SCLT1: variants seen among roughly 807,000 people sequenced by gnomAD.
SCLT1 encodes sodium channel and clathrin linker 1, also known as sodium channel-associated protein 1.
In SCLT1, 78 loss-of-function variants were observed where a neutral mutation model predicts 112.8. That is an observed-to-expected ratio of 0.69 (90% CI 0.58 to 0.83). The LOEUF is 0.83. SCLT1 is among the 40% of genes least tolerant of loss of function. The probability of loss-of-function intolerance (pLI) is 0.00; values close to 1 mark genes in which losing one functional copy is unlikely to be tolerated. For synonymous variants in SCLT1, 257 were observed against 254.7 expected, an observed-to-expected ratio of 1.01 and a Z score of -0.09; for missense variants, 747 against 770.4, an observed-to-expected ratio of 0.97 and a Z score of 0.36.
chr4:128,883,440 A>T (rs747103794), downstream of SCLT1, among the ~76,000 whole-genome samples: 1 of 152,080 alleles, frequency 6.6e-6, no homozygotes, highest in Non-Finnish European at 1.5e-5. Flanking sequence ...CAGCATTAGG[A>T]GAAATACCTA....
chr4:129,068,344 T>C (rs1384245576), intron 2 of SCLT1, among the ~76,000 whole-genome samples: 2 of 152,208 alleles, frequency 1.3e-5, no homozygotes, highest in Non-Finnish European at 2.9e-5. Flanking sequence ...ACCAGCAGTG[T>C]AGAAGTGTTC....
chr4:129,019,810 C>G (rs1241037431), intron 5 of SCLT1, among the ~76,000 whole-genome samples: 1 of 152,094 alleles, frequency 6.6e-6, no homozygotes, highest in Admixed American at 6.6e-5. Context: ...GGGATTAATA[C>G]AAAAGATCCT....
intron 8 of SCLT1, among the ~76,000 whole-genome samples, chr4:128,996,750 T>A (rs2126076964): frequency 6.6e-6 from 1 of 152,240 alleles, no homozygotes; most frequent in South Asian, 2.1e-4. Context: ...GTATCCAGTT[T>A]ATTCTTAGCT....
Position 129,039,065 on chromosome 4 carries a change from T to C in SCLT1, c.266A>G (p.Glu89Gly). The stretch of plus-strand genomic sequence containing the variant: ...CCTTTCATTTTCCTTGATGACATTT[T>C]CAAGTTGTAATTTCATCTCACCCAC... ...KQVGEMKLQL[E>G]NVIKENERLH... The change falls in exon 5 of 21, where the codon GAA (glutamate) becomes GGA (glycine). Residue 89 changes from glutamate to glycine, a missense_variant. By Grantham distance (98) the Glu-to-Gly change is moderately conservative (BLOSUM62 -2). Around this residue, in one of 2 missense-constraint regions of SCLT1, gnomAD observed 723 missense variants for 721.3 expected, o/e 1.00. Coordinates refer to ENST00000281142, the MANE Select transcript of SCLT1 (RefSeq NM_144643.4). 1 of 1,592,320 alleles carries C rather than the reference T, an allele frequency of 6.3e-7. No individual in the cohort carries two copies. The highest frequency in any genetic ancestry group is 8.6e-7 in the Non-Finnish European group (1 of 1,160,786).
chr4:129,001,811 T>G (rs1048000075), intron 6 of SCLT1, among the ~76,000 whole-genome samples: 3 of 152,064 alleles, frequency 2.0e-5, no homozygotes, highest in Non-Finnish European at 2.9e-5. Flanking sequence ...TTGTGAGTCT[T>G]GCTGTTCAAT....
At chr4:128,916,942 C>A (rs1735524095) in intron 18 of SCLT1, among the ~76,000 whole-genome samples, 2 of 152,248 alleles carry the variant, frequency 1.3e-5, no homozygotes, top group South Asian at 4.1e-4. Flanking sequence ...CCTTATTGGG[C>A]TGTCACATTC....
At chr4:129,022,185 G>GA (rs1424365364) in intron 5 of SCLT1, among the ~76,000 whole-genome samples, 2 of 152,178 alleles carry the variant, frequency 1.3e-5, no homozygotes, top group African/African-American at 4.8e-5. Context: ...TGAAGATGAG[G>GA]AAAAATCAGT....
chr4:129,037,211 A>G (rs1301722408), intron 5 of SCLT1: 1 of 151,998 alleles, frequency 6.6e-6, no homozygotes, highest in Non-Finnish European at 1.5e-5. Flanking sequence ...CTGGGAATAT[A>G]CATTTGAAAC....
intron 2 of SCLT1, among the ~76,000 whole-genome samples, chr4:129,076,101 C>T (rs991337687): frequency 4.6e-5 from 7 of 152,054 alleles, no homozygotes; most frequent in African/African-American, 9.7e-5. Flanking sequence ...ATCTCAGCAC[C>T]CTGCTTCTTT....
intron 2 of SCLT1, among the ~76,000 whole-genome samples, chr4:129,060,658 G>C (rs1749882890): frequency 6.6e-6 from 1 of 152,114 alleles, no homozygotes; most frequent in South Asian, 2.1e-4. Flanking sequence ...GGCAGTGGTG[G>C]TATGGATTGT....
At chr4:128,918,227 C>G (rs1209908675) in intron 18 of SCLT1, among the ~76,000 whole-genome samples, 1 of 152,114 alleles carries the variant, frequency 6.6e-6, no homozygotes, top group Admixed American at 6.6e-5. Flanking sequence ...CCAAAAGAAA[C>G]AGATCTGTCT....
downstream of SCLT1, among the ~76,000 whole-genome samples, chr4:128,879,550 G>A (rs183342013): frequency 3.3e-5 from 5 of 152,258 alleles, no homozygotes; most frequent in Admixed American, 3.3e-4. Context: ...GTGACCCCGA[G>A]CAAATGATTT....
intron 5 of SCLT1, among the ~76,000 whole-genome samples, chr4:129,016,214 A>G (rs1375612461): frequency 6.6e-6 from 1 of 152,126 alleles, no homozygotes; most frequent in Non-Finnish European, 1.5e-5. Context: ...CAGGATGTGC[A>G]GGTTTGTTAC....
At chr4:129,091,126 G>T (rs1036886602) in intron 1 of SCLT1, among the ~76,000 whole-genome samples, 4 of 152,052 alleles carry the variant, frequency 2.6e-5, no homozygotes, top group African/African-American at 7.2e-5. Flanking sequence ...GTATTTAGGT[G>T]GGTCACTTAA....
Position 129,043,487 on chromosome 4 carries a change from A to G in SCLT1, c.162-20T>C, listed in dbSNP as rs774628593. The G allele has an allele frequency of 1.8e-6, 2 of 1,099,776 alleles. No individual in the cohort carries two copies. Among genetic ancestry groups the G allele is most frequent in the Non-Finnish European group, 2.7e-6 (2 of 732,840 alleles). 68.1% of individuals were successfully genotyped at this position (1,099,776 alleles called of 1,614,324 possible). On this transcript the variant is annotated intron_variant, in intron 3 of 20. Coordinates refer to ENST00000281142, the MANE Select transcript of SCLT1 (RefSeq NM_144643.4). The stretch of plus-strand genomic sequence containing the variant: ...AAAAAGCTAAAAAAAGACAATAAAA[A>G]TATAGCATATTCTGTTCCATCTAGT...
chr4:129,085,989 T>C (rs182200037), intron 1 of SCLT1, among the ~76,000 whole-genome samples: 1 of 152,132 alleles, frequency 6.6e-6, no homozygotes, highest in Non-Finnish European at 1.5e-5. Flanking sequence ...AACCTGCACA[T>C]GTACCCCTGA....
At chr4:128,929,122 A>C (rs548933825) in intron 18 of SCLT1, among the ~76,000 whole-genome samples, 2 of 152,354 alleles carry the variant, frequency 1.3e-5, no homozygotes, top group Admixed American at 1.3e-4. Context: ...TGATATGACC[A>C]AAATCCAAAA....
intron 5 of SCLT1, among the ~76,000 whole-genome samples, chr4:129,020,503 T>C (rs1440548205): frequency 2.6e-5 from 4 of 152,212 alleles, no homozygotes; most frequent in African/African-American, 9.6e-5. Flanking sequence ...GGCAATTAGC[T>C]AAACCAACAA....
In SCLT1 at chr4:128,970,403, T is replaced by A. The variant is rs780625958; in HGVS notation, c.752A>T (p.Asp251Val). ...CTTCTTTTTCATCTGTCCCTGCAGA[T>A]CTTCAGTCACATTAGTTAACTCTTC... ...KVEELTNVTE[D>V]LQGQMKKKEK... The change falls in exon 10 of 21, where the codon GAT becomes GTT. Residue 251 changes from aspartate (D) to valine (V), a missense_variant. Asp to Val is a radical substitution (Grantham distance 152). This residue lies in a region of SCLT1 where 723 missense variants were observed against 721.3 expected (regional missense o/e 1.00). Transcript: ENST00000281142. 4 of 1,601,802 alleles carry A rather than the reference T, an allele frequency of 2.5e-6. 1 individual carries two copies. Among genetic ancestry groups the A allele is most frequent in the Middle Eastern group, 1.7e-4 (1 of 6,040 alleles).
Sources: gnomAD v4.1 joint callset for allele counts (sites outside exome capture counted in the v4.1 genomes callset) on GRCh38, gnomAD v4.1.1 for gene constraint, gnomAD v4.1.1 regional missense constraint, MANE v1.5 for transcripts, NCBI Gene and HGNC (gene_info 2026-07-23, HGNC 2026-07-21) for gene names.